CSMD3: variants seen among roughly 807,000 people sequenced by gnomAD.
The protein encoded by CSMD3 is CUB and Sushi multiple domains 3, also known as CUB and sushi domain-containing protein 3.
CSMD3 carries 177 observed loss-of-function variants against 435.2 expected under a neutral mutation model. The observed-to-expected ratio is 0.41, with a 90% CI of 0.36 to 0.46. CSMD3 has a LOEUF of 0.46. Ranked by LOEUF, CSMD3 falls within the 20% of genes least tolerant of loss-of-function variation. CSMD3 has a pLI of 0.34. For synonymous variants in CSMD3, 1,656 were observed against 1,520.5 expected, an observed-to-expected ratio of 1.09 and a Z score of -2.07; for missense variants, 4,265 against 4,504.6, an observed-to-expected ratio of 0.95 and a Z score of 1.52.
chr8:112,909,319 A>G (rs2082343700), intron 10 of CSMD3, among the ~76,000 whole-genome samples: 1 of 151,654 alleles, frequency 6.6e-6, no homozygotes, highest in Non-Finnish European at 1.5e-5. Context: ...CCCCAAACTA[A>G]AAAAATATGT....
chr8:113,196,271 G>A (rs921502032), intron 3 of CSMD3, among the ~76,000 whole-genome samples: 1 of 150,876 alleles, frequency 6.6e-6, no homozygotes, highest in South Asian at 2.1e-4. Flanking sequence ...TATTTGATTT[G>A]GCTCTTCAAT....
At chr8:112,231,769 A>G in intron 68 of CSMD3, 137 bp from the exon 69 acceptor site, 2 of 656,358 alleles carry the variant, frequency 3.0e-6, no homozygotes, top group South Asian at 3.5e-5. Flanking sequence ...TCCTTTGCAA[A>G]ATATAGCACA....
At chr8:112,594,369 G>C (rs1011975853) in intron 22 of CSMD3, among the ~76,000 whole-genome samples, 1 of 152,056 alleles carries the variant, frequency 6.6e-6, no homozygotes, top group Non-Finnish European at 1.5e-5. Context: ...AGGGTCCTAC[G>C]CCCACAGAGT....
intron 32 of CSMD3, 101 bp from the exon 33 acceptor site, chr8:112,409,133 A>C (rs1832112218): frequency 1.9e-6 from 3 of 1,566,194 alleles, no homozygotes; most frequent in Non-Finnish European, 2.6e-6. Context: ...AGAACAAAGT[A>C]TTACAATATA....
At chr8:113,185,150 C>T (rs1322600979) in intron 3 of CSMD3, among the ~76,000 whole-genome samples, 1 of 152,010 alleles carries the variant, frequency 6.6e-6, no homozygotes, top group Non-Finnish European at 1.5e-5. Context: ...CAAATTTTGC[C>T]AGATTGTAAA....
chr8:112,494,494 CCTTTCTTT>C (rs66517203), intron 30 of CSMD3, among the ~76,000 whole-genome samples: 1,832 of 39,850 alleles, frequency 0.046, 40 homozygotes, highest in Middle Eastern at 0.12. Flanking sequence ...TTCTTTCTCT[CCTTTCTTT>C]CTTTCTTTCT....
intron 35 of CSMD3, among the ~76,000 whole-genome samples, chr8:112,400,407 T>C (rs1217903702): frequency 2.6e-5 from 4 of 152,120 alleles, no homozygotes; most frequent in Admixed American, 1.3e-4. Flanking sequence ...CATAAAAAAT[T>C]GGGGAAAACA....
intron 5 of CSMD3, among the ~76,000 whole-genome samples, chr8:113,062,204 AG>A (rs1179933222): frequency 1.3e-5 from 2 of 151,858 alleles, no homozygotes; most frequent in African/African-American, 2.4e-5. Flanking sequence ...GTACAAAAAA[AG>A]TTCATTGTTT....
intron 35 of CSMD3, among the ~76,000 whole-genome samples, chr8:112,401,214 A>T (rs1420455894): frequency 6.6e-6 from 1 of 152,158 alleles, no homozygotes; most frequent in Non-Finnish European, 1.5e-5. Flanking sequence ...AAAAGAATAA[A>T]AATAAAAACA....
rs1461547535 is a variant in CSMD3, at chr8:113,168,348, C to T, written c.709+5374G>A. 4.0e-5 allele frequency among the ~76,000 whole-genome samples: 6 copies of T among 151,620 alleles called. No homozygotes were observed. In the East Asian group the frequency reaches 5.8e-4, roughly 15 times the overall value. ...AAGACCTGGCCAACATGGTCAAACC[C>T]TGTCTCTACTGAAAAAACAAAAATT... On this transcript the variant is annotated intron_variant, in intron 4 of 70. Transcript: ENST00000297405.
chr8:112,438,394 T>C lies in CSMD3; in HGVS notation c.5396-29362A>G, dbSNP rs146344868. Among the ~76,000 whole-genome samples the C allele has an allele frequency of 5.1e-4, 77 of 152,268 alleles. 2 individuals are homozygous for C. In the East Asian group the frequency reaches 7.7e-3, roughly 15 times the overall value. On this transcript the variant is annotated intron_variant, in intron 32 of 70. Transcript: ENST00000297405. ...GGAGTCACTAAGGTGGTATTTTGAG[T>C]TCACTGTCAACTTCTCTATTTAAAT...
intron 22 of CSMD3, 98 bp downstream of exon 22, chr8:112,636,719 C>T: frequency 9.5e-7 from 1 of 1,048,960 alleles, no homozygotes; most frequent in Non-Finnish European, 1.5e-6. Flanking sequence ...GAAATAAATG[C>T]AGAAATTCAA....
chr8:112,525,556 T>C (rs1001708194), intron 27 of CSMD3, among the ~76,000 whole-genome samples: 2 of 148,182 alleles, frequency 1.3e-5, no homozygotes, highest in African/African-American at 2.4e-5. Flanking sequence ...CCGTCTCTAC[T>C]AAAAATACAA....
intron 5 of CSMD3, among the ~76,000 whole-genome samples, chr8:113,031,445 T>C (rs2087105744): frequency 6.6e-6 from 1 of 151,668 alleles, no homozygotes; most frequent in Admixed American, 6.6e-5. Context: ...TCCATTCATA[T>C]AACATTCTTG....
chr8:112,936,002 T>C (rs1185264388), intron 9 of CSMD3, among the ~76,000 whole-genome samples: 1 of 152,092 alleles, frequency 6.6e-6, no homozygotes, highest in Non-Finnish European at 1.5e-5. Flanking sequence ...ATCTCAAGTA[T>C]GGGTAGAACT....
intron 10 of CSMD3, among the ~76,000 whole-genome samples, chr8:112,900,452 C>T (rs2082081984): frequency 6.6e-6 from 1 of 151,152 alleles, no homozygotes; most frequent in African/African-American, 2.4e-5. Flanking sequence ...GCTCAGTCCT[C>T]TCTTGTAATT....
In CSMD3 at chr8:112,669,168, G is replaced by A. The variant is rs7008506; in HGVS notation, c.2678-2753C>T. 3.7e-3 allele frequency among the ~76,000 whole-genome samples: 558 copies of A among 151,980 alleles called. 4 individuals carry two copies. Among genetic ancestry groups the A allele is most frequent in the African/African-American group, 0.012 (490 of 41,458 alleles). On this transcript the variant is annotated intron_variant, in intron 16 of 70. Transcript: ENST00000297405. ...CTGCCTCAGCCTCCCGAGTAGCTGG[G>A]ATTACAGGCACACACCACCACACCC...
chr8:112,467,574 A>C (rs1291656752), intron 32 of CSMD3, among the ~76,000 whole-genome samples: 2 of 152,120 alleles, frequency 1.3e-5, no homozygotes, highest in African/African-American at 4.8e-5. Flanking sequence ...TGTTCCCCAA[A>C]ATTTATGTTC....
intron 5 of CSMD3, among the ~76,000 whole-genome samples, chr8:113,088,097 A>C (rs1343886942): frequency 1.3e-5 from 2 of 150,410 alleles, no homozygotes; most frequent in Admixed American, 6.6e-5. Context: ...CAGCCAAAAA[A>C]CACATGAAAA....
Sources: gnomAD v4.1 joint callset for allele counts (sites outside exome capture counted in the v4.1 genomes callset) on GRCh38, gnomAD v4.1.1 for gene constraint, MANE v1.5 for transcripts, NCBI Gene and HGNC (gene_info 2026-07-23, HGNC 2026-07-21) for gene names.